Variants in RANBP17 observed in about 807,000 individuals in gnomAD.
RANBP17 encodes ran-binding protein 17.
In RANBP17, 158 loss-of-function variants were observed where a neutral mutation model predicts 141.2. The ratio of observed to expected loss-of-function variants is 1.12; its 90% CI spans 0.98 to 1.28. RANBP17 has a LOEUF of 1.28. Ranked by LOEUF, RANBP17 falls within the 50% of genes most tolerant of loss-of-function variation. The probability of loss-of-function intolerance (pLI) is 0.00; values close to 1 mark genes in which losing one functional copy is unlikely to be tolerated. For synonymous variants in RANBP17, 430 were observed against 450.0 expected, an observed-to-expected ratio of 0.96 and a Z score of 0.56; for missense variants, 1,438 against 1,290.7, an observed-to-expected ratio of 1.11 and a Z score of -1.75.
intron 14 of RANBP17, among the ~76,000 whole-genome samples, chr5:171,011,987 T>C (rs577890463): frequency 4.0e-4 from 60 of 151,442 alleles, no homozygotes; most frequent in Admixed American, 9.2e-4. Flanking sequence ...CTATTTGAGC[T>C]ATTCTGGTTA....
chr5:170,875,260 G>A (rs1018546966), intron 1 of RANBP17, among the ~76,000 whole-genome samples: 3 of 152,034 alleles, frequency 2.0e-5, no homozygotes, highest in African/African-American at 7.3e-5. Context: ...TGCTCTTTAT[G>A]TTTTTTCCTT....
chr5:171,005,541 A>G (rs920331588), intron 14 of RANBP17, among the ~76,000 whole-genome samples: 6 of 152,248 alleles, frequency 3.9e-5, no homozygotes, highest in African/African-American at 1.4e-4. Flanking sequence ...GGCTAGCCAT[A>G]TGTAGAAAGC....
At chr5:171,159,798 C>T (rs1363741654) in intron 14 of RANBP17, among the ~76,000 whole-genome samples, 1 of 151,486 alleles carries the variant, frequency 6.6e-6, no homozygotes, top group Non-Finnish European at 1.5e-5. Context: ...TGGCAGTCGC[C>T]TGTGGTCCCA....
At position 170,891,558 on chromosome 5, in the gene RANBP17, T is replaced by C. The variant is rs185466566; in HGVS notation, c.257-829T>C. 3.3e-3 allele frequency among the ~76,000 whole-genome samples: 498 copies of C among 152,296 alleles called. 2 individuals are homozygous for C. Among genetic ancestry groups the C allele is most frequent in the African/African-American group, 0.011 (467 of 41,554 alleles). On this transcript the variant is annotated intron_variant, in intron 3 of 27. Coordinates refer to ENST00000523189, the MANE Select transcript of RANBP17 (RefSeq NM_022897.5). ...AAAGAAAAGAGGTTTAATTGGCTCA[T>C]GGTTCTGCAGGCTGTACGGTTAGCA...
At chr5:171,025,890 T>C (rs1425691649) in intron 14 of RANBP17, among the ~76,000 whole-genome samples, 1 of 152,148 alleles carries the variant, frequency 6.6e-6, no homozygotes, top group Non-Finnish European at 1.5e-5. Context: ...GCCCAGCCTA[T>C]CCTTAGTCTT....
intron 12 of RANBP17, among the ~76,000 whole-genome samples, chr5:170,953,033 A>G (rs949280347): frequency 7.2e-5 from 11 of 152,092 alleles, no homozygotes; most frequent in African/African-American, 1.9e-4. Context: ...CCATCAAACA[A>G]TGTGAAATCT....
intron 14 of RANBP17, among the ~76,000 whole-genome samples, chr5:171,155,430 C>A (rs1758831752): frequency 6.6e-6 from 1 of 151,872 alleles, no homozygotes; most frequent in Non-Finnish European, 1.5e-5. Flanking sequence ...ATGATGATTT[C>A]AGCAAATGAG....
chr5:171,061,485 T>C (rs1203856425), intron 14 of RANBP17, among the ~76,000 whole-genome samples: 1 of 152,096 alleles, frequency 6.6e-6, no homozygotes, highest in African/African-American at 2.4e-5. Flanking sequence ...AGTGAGTTTC[T>C]TAATCCTGAG....
chr5:171,010,605 C>A (rs1232672071), intron 14 of RANBP17, among the ~76,000 whole-genome samples: 1 of 152,046 alleles, frequency 6.6e-6, no homozygotes, highest in Non-Finnish European at 1.5e-5. Flanking sequence ...CACTCAGATG[C>A]TGGATTACTA....
At position 171,044,617 on chromosome 5, in the gene RANBP17, G is replaced by A. The variant is rs553186009; in HGVS notation, c.1710+76240G>A. Among the ~76,000 whole-genome samples the A allele has an allele frequency of 1.3e-3, 192 of 152,062 alleles. No individual in the cohort carries two copies. The Middle Eastern group carries it at 0.028, about 22-fold the overall frequency. On this transcript the variant is annotated intron_variant, in intron 14 of 27. Transcript: ENST00000523189. ...TAGAGAAACTGTCAATAAATTTACT[G>A]TTATAATTGAATCACATGATATCTA...
At chr5:170,933,719 C>T (rs1379650825) in intron 12 of RANBP17, among the ~76,000 whole-genome samples, 5 of 152,114 alleles carry the variant, frequency 3.3e-5, no homozygotes, top group South Asian at 2.1e-4. Context: ...TGTAGTTGAG[C>T]GGTTTTGAGT....
intron 14 of RANBP17, among the ~76,000 whole-genome samples, chr5:171,168,524 T>A (rs964814368): frequency 8.5e-5 from 13 of 152,132 alleles, no homozygotes; most frequent in Non-Finnish European, 4.4e-5. Context: ...CGAGAGAGGT[T>A]TGGCATCATG....
intron 14 of RANBP17, among the ~76,000 whole-genome samples, chr5:171,149,266 C>CTA (rs1249720187): frequency 2.0e-5 from 3 of 152,188 alleles, no homozygotes; most frequent in Non-Finnish European, 4.4e-5. Context: ...GAGCTCTGAG[C>CTA]TATGCTCATT....
At position 171,170,086 on chromosome 5, in the gene RANBP17, T is replaced by A. The variant is rs542273983; in HGVS notation, c.1711-44T>A. 56 of 1,031,492 alleles carry A rather than the reference T, an allele frequency of 5.4e-5. No homozygotes were observed. In the South Asian group the frequency reaches 9.8e-4, roughly 18 times the overall value. 63.9% of individuals were successfully genotyped at this position (1,031,492 alleles called of 1,614,324 possible). The stretch of plus-strand genomic sequence containing the variant: ...CAATTCGAATAGTCTTTTGAAAATA[T>A]ATGTTAATAGTAAAACTTTTAACAA... On this transcript the variant is annotated intron_variant, in intron 14 of 27. Transcript: ENST00000523189.
At chr5:171,250,055 C>T (rs1481414138) in intron 24 of RANBP17, among the ~76,000 whole-genome samples, 1 of 152,134 alleles carries the variant, frequency 6.6e-6, no homozygotes, top group Admixed American at 6.5e-5. Flanking sequence ...ATCAGGCTAA[C>T]AGTGGATTTC....
intron 14 of RANBP17, among the ~76,000 whole-genome samples, chr5:171,165,377 C>T (rs961255656): frequency 2.6e-5 from 4 of 152,090 alleles, no homozygotes; most frequent in South Asian, 2.1e-4. Flanking sequence ...GGGGTTTCAC[C>T]GTGTTGCCCA....
At chr5:171,107,064 G>A (rs1408826299) in intron 14 of RANBP17, among the ~76,000 whole-genome samples, 1 of 152,018 alleles carries the variant, frequency 6.6e-6, no homozygotes, top group Non-Finnish European at 1.5e-5. Context: ...AGTTCAACAT[G>A]TTTATGGTGT....
chr5:170,910,940 T>A, intron 6 of RANBP17, 29 bp from the exon 7 acceptor site: 1 of 1,599,992 alleles, frequency 6.3e-7, no homozygotes, highest in Non-Finnish European at 8.5e-7. Context: ...TATTTCGCAG[T>A]GTTTTCTTTG....
chr5:170,883,910 A>G (rs143609404), intron 3 of RANBP17, among the ~76,000 whole-genome samples: 146 of 152,342 alleles, frequency 9.6e-4, no homozygotes, highest in Non-Finnish European at 7.5e-4. Flanking sequence ...GCTGCTATCA[A>G]CATACATATG....
Sources: gnomAD v4.1 joint callset for allele counts (sites outside exome capture counted in the v4.1 genomes callset) on GRCh38, gnomAD v4.1.1 for gene constraint, MANE v1.5 for transcripts, NCBI Gene and HGNC (gene_info 2026-07-23, HGNC 2026-07-21) for gene names.